EPN2: variants seen among roughly 807,000 people sequenced by gnomAD.
EPN2 encodes the protein epsin-2.
EPN2 carries 34 observed loss-of-function variants against 61.7 expected under a neutral mutation model. The ratio of observed to expected loss-of-function variants is 0.55; its 90% confidence interval spans 0.42 to 0.73. The LOEUF is 0.73. Ranked by LOEUF, EPN2 falls within the 30% of genes least tolerant of loss-of-function variation. The pLI is 0.00. For synonymous variants in EPN2, 349 were observed against 353.6 expected (o/e 0.99, Z 0.15); for missense variants, 714 against 839.2 (o/e 0.85, Z 1.84).
Position 19,334,182 on chromosome 17 carries a change from C to T in EPN2, c.1854C>T (p.Asn618=), listed in dbSNP as rs774779884. ...SLTPLGPAMM[N]MVGSVGIPPS... ...CACCACTGGGCCCTGCAATGATGAACATGGTGGGCAGTGTGGGTATACCCC... is the reference window on the plus strand; with the variant it reads ...CACCACTGGGCCCTGCAATGATGAATATGGTGGGCAGTGTGGGTATACCCC... Residue 618 remains asparagine (N), a synonymous_variant, in exon 11 of 11, where the codon AAC becomes AAT. Coordinates refer to ENST00000314728, the MANE Select transcript of EPN2 (RefSeq NM_014964.5). This position sits in a 1 kb window ranked among gnomAD's most constrained non-coding sequence, Gnocchi z 4.9. The T allele has an allele frequency of 1.3e-6, 2 of 1,577,030 alleles. No homozygotes were observed. Among genetic ancestry groups the T allele is most frequent in the African/African-American group, 1.3e-5 (1 of 74,384 alleles).
rs938240101 is a variant in EPN2, at chr17:19,329,412, T to G, written c.1325-149T>G. On this transcript the variant is annotated intron_variant, in intron 8 of 10. Transcript: ENST00000314728. Reference sequence around the variant, plus strand: ...GCTGGTGACCCCAGGCTGTCTTGCCTCTTTGGCTCTCAGAATTCTCCTCCA... The same window carrying G: ...GCTGGTGACCCCAGGCTGTCTTGCCGCTTTGGCTCTCAGAATTCTCCTCCA... 8 of 611,706 alleles carry G rather than the reference T, an allele frequency of 1.3e-5. No individual in the cohort carries two copies. The African/African-American group carries it at 1.5e-4, about 11-fold the overall frequency. The allele number at this position is 611,706 out of a possible 1,614,324, so 37.9% of individuals were successfully genotyped here. A position where few individuals can be genotyped will look rare whatever the true frequency, so the allele number is the denominator to read the frequency against.
intron 1 of EPN2, among the ~76,000 whole-genome samples, chr17:19,237,901 C>G: frequency 6.6e-6 from 1 of 152,336 alleles, no homozygotes; most frequent in Middle Eastern, 3.4e-3. Flanking sequence ...CAACCCCGCC[C>G]CCTCCCCAGA....
rs147719775 is a variant in EPN2, at chr17:19,295,366, A to ACACGCGCGCG, written c.766+9577_766+9578insACGCGCGCGC. The stretch of plus-strand genomic sequence containing the variant: ...TACACACACACACACACACACACAC[A>ACACGCGCGCG]CGCGCGTGCGCGCAAAATAGCCAGG... On this transcript the variant is annotated intron_variant, in intron 4 of 10. Coordinates refer to ENST00000314728, the MANE Select transcript of EPN2 (RefSeq NM_014964.5). Among the ~76,000 whole-genome samples, 396 of 140,358 alleles carry ACACGCGCGCG rather than the reference A, an allele frequency of 2.8e-3. 1 individual carries two copies. The highest frequency in any genetic ancestry group is 4.0e-3 in the Non-Finnish European group (263 of 65,154). 92.1% of individuals were successfully genotyped at this position (140,358 alleles called of 152,430 possible).
Position 19,285,614 on chromosome 17 carries a change from C to T in EPN2, c.596-6C>T, listed in dbSNP as rs1425938161. The T allele has an allele frequency of 1.3e-6, 2 of 1,528,704 alleles. No homozygotes were observed. Among genetic ancestry groups the T allele is most frequent in the South Asian group, 1.2e-5 (1 of 80,816 alleles). The allele number at this position is 1,528,704 out of a possible 1,614,324, so 94.7% of individuals were successfully genotyped here. ...CTGTGTGTGTGTGTGTGTCCCTGCC[C>T]CACAGCGCCTGAGGCCTCGCTGTGC... is the stretch of plus-strand genomic sequence containing the variant. On this transcript the variant is annotated splice_region_variant and splice_polypyrimidine_tract_variant and intron_variant, in intron 3 of 10. Transcript: ENST00000314728. The surrounding 1 kb of genome is among the most constrained non-coding windows in gnomAD (Gnocchi z 4.5).
At chr17:19,332,179 C>A in intron 10 of EPN2, 111 bp downstream of exon 10, 1 of 802,554 alleles carries the variant, frequency 1.2e-6, no homozygotes, top group Non-Finnish European at 2.0e-6. Flanking sequence ...GTGGGACTAG[C>A]TGGAATCTCT....
intron 1 of EPN2, among the ~76,000 whole-genome samples, chr17:19,256,001 G>A (rs1022149168): frequency 2.0e-5 from 3 of 151,782 alleles, no homozygotes; most frequent in Non-Finnish European, 4.4e-5. Context: ...GCAGGGGCGC[G>A]ATCTCAGCTC....
intron 4 of EPN2, among the ~76,000 whole-genome samples, chr17:19,293,393 AG>A (rs2045484039): frequency 6.7e-6 from 1 of 149,534 alleles, no homozygotes; most frequent in Non-Finnish European, 1.5e-5. Context: ...AAAAAAAGAC[AG>A]GGTCTTGCTC....
rs758756450 is a variant in EPN2, at chr17:19,312,162, G to A, written c.972+18G>A. ...AGAAAGAGGTAAGAGCTTGCTGGGAGGGTAGATGTTTCACCCTGTCCTGTA... is the reference window on the plus strand; with the variant it reads ...AGAAAGAGGTAAGAGCTTGCTGGGAAGGTAGATGTTTCACCCTGTCCTGTA... On this transcript the variant is annotated intron_variant, in intron 6 of 10. Coordinates refer to ENST00000314728, the MANE Select transcript of EPN2 (RefSeq NM_014964.5). 6.3e-7 allele frequency: 1 copy of A among 1,584,088 alleles called. No homozygotes were observed. Among genetic ancestry groups the A allele is most frequent in the East Asian group, 2.2e-5 (1 of 44,734 alleles).
chr17:19,271,364 A>G (rs2045251624), intron 1 of EPN2, among the ~76,000 whole-genome samples: 3 of 152,220 alleles, frequency 2.0e-5, no homozygotes, highest in Non-Finnish European at 2.9e-5. Flanking sequence ...TGGCAGGTGC[A>G]TAGAATGCAA....
intron 1 of EPN2, among the ~76,000 whole-genome samples, chr17:19,244,350 T>C (rs2044921075): frequency 6.6e-6 from 1 of 151,786 alleles, no homozygotes; most frequent in Non-Finnish European, 1.5e-5. Context: ...TCCCAACTAC[T>C]CGAGAGGCTG....
Position 19,314,356 on chromosome 17 carries a change from G to A in EPN2, c.1147+1077G>A, listed in dbSNP as rs180926363. 7.7e-4 allele frequency among the ~76,000 whole-genome samples: 81 copies of A among 105,456 alleles called. 1 individual carries two copies. The highest frequency in any genetic ancestry group is 1.9e-3 in the African/African-American group (75 of 40,266). The allele number at this position is 105,456 out of a possible 152,430, so 69.2% of individuals were successfully genotyped here. A position where few individuals can be genotyped will look rare whatever the true frequency, so the allele number is the denominator to read the frequency against. ...AGCATTTTGGAGGAAGGCCACTTCC[G>A]TTGAGTCCCCAGGGAAAAGAAGGTG... On this transcript the variant is annotated intron_variant, in intron 7 of 10. Transcript: ENST00000314728.
At chr17:19,262,406 A>AG (rs1471002079) in intron 1 of EPN2, among the ~76,000 whole-genome samples, 1 of 151,930 alleles carries the variant, frequency 6.6e-6, no homozygotes, top group African/African-American at 2.4e-5. Flanking sequence ...TGGACCCAGG[A>AG]GGCGGAGGTT....
chr17:19,276,199 C>T (rs952444602), intron 1 of EPN2, among the ~76,000 whole-genome samples: 4 of 151,758 alleles, frequency 2.6e-5, no homozygotes, highest in African/African-American at 4.8e-5. Context: ...CCTGCTCAGC[C>T]GTTTTTTTGA....
intron 4 of EPN2, 69 bp from the exon 5 acceptor site, chr17:19,309,816 A>T: frequency 7.9e-7 from 1 of 1,271,690 alleles, no homozygotes. Context: ...TGGTCTGCCC[A>T]GGAAACTGCT....
intron 1 of EPN2, chr17:19,271,507 T>C (rs2045253288): frequency 6.6e-6 from 1 of 152,248 alleles, no homozygotes. Context: ...AGCTCATCCT[T>C]TGAGCTTCAG....
chr17:19,287,682 AT>A (rs897865046), intron 4 of EPN2, among the ~76,000 whole-genome samples: 4 of 152,162 alleles, frequency 2.6e-5, no homozygotes, highest in Non-Finnish European at 5.9e-5. Flanking sequence ...GCAGGCTGTG[AT>A]TCAGGAGAGA....
intron 1 of EPN2, among the ~76,000 whole-genome samples, chr17:19,239,188 C>T (rs1567838584): frequency 1.3e-5 from 2 of 152,246 alleles, no homozygotes; most frequent in Admixed American, 6.5e-5. Context: ...GTCTCTGTCA[C>T]CCAGGCTAGA....
rs115421379 is a variant in EPN2 at position 19,290,193 on chromosome 17, C to T, written c.766+4403C>T. Among the ~76,000 whole-genome samples the T allele has an allele frequency of 1.1e-3, 173 of 152,256 alleles. 1 individual carries two copies. Among genetic ancestry groups the T allele is most frequent in the African/African-American group, 3.9e-3 (164 of 41,556 alleles). On this transcript the variant is annotated intron_variant, in intron 4 of 10. Coordinates refer to ENST00000314728, the MANE Select transcript of EPN2 (RefSeq NM_014964.5). ...AGAAGCTGCGCAGCCCAAAGGAGGA[C>T]CCTCAGGCCCAGGGGGTTGAGGGAT...
At chr17:19,261,742 A>G (rs558120943) in intron 1 of EPN2, among the ~76,000 whole-genome samples, 2 of 152,318 alleles carry the variant, frequency 1.3e-5, no homozygotes, top group East Asian at 1.9e-4. Flanking sequence ...AGAACAGCCA[A>G]CCCTCTCACC....
Sources: allele counts gnomAD v4.1 joint callset (sites outside exome capture counted in the v4.1 genomes callset), GRCh38; gene constraint gnomAD v4.1.1; non-coding constraint Gnocchi (gnomAD v3.1); transcripts MANE v1.5; gene names NCBI Gene and HGNC (gene_info 2026-07-23, HGNC 2026-07-21).